The following CAV3 variants were observed in gnomAD, a reference collection of about 807,000 sequenced individuals.
CAV3 encodes the protein caveolin 3.
A neutral mutation model predicts 13.4 loss-of-function variants in CAV3; 10 were observed. The ratio of observed to expected loss-of-function variants is 0.75; its 90% confidence interval spans 0.46 to 1.27. CAV3 has a LOEUF of 1.27. CAV3 is among the 50% of genes most tolerant of loss of function. The pLI, the probability that CAV3 is intolerant of heterozygous loss-of-function variation, is 0.00. For synonymous variants in CAV3, 90 were observed against 79.0 expected (o/e 1.14, Z -0.74); for missense variants, 162 against 194.0 (o/e 0.83, Z 0.98).
chr3:8,743,970 A>AT (rs1315997392), intron 1 of CAV3, among the ~76,000 whole-genome samples: 1 of 152,044 alleles, frequency 6.6e-6, no homozygotes, highest in Non-Finnish European at 1.5e-5. Context: ...AGAGGAGAGG[A>AT]TCCCCTCCCC....
In CAV3 at chr3:8,745,804, A is replaced by G; in HGVS notation, c.393A>G (p.Pro131=). 6.2e-7 allele frequency: 1 copy of G among 1,612,616 alleles called. No homozygotes were observed. Among genetic ancestry groups the G allele is most frequent in the Non-Finnish European group, 8.5e-7 (1 of 1,179,774 alleles). The change falls in exon 2 of 2, where the codon CCA becomes CCG. Residue 131 remains proline (P), a synonymous_variant. Transcript: ENST00000343849. This position sits in a 1 kb window ranked among gnomAD's most constrained non-coding sequence, Gnocchi z 4.8. Reference sequence around the variant, plus strand: ...TCTGCATCCGCACCTTCTGCAACCCACTCTTCGCGGCCCTGGGCCAGGTCT... The same window carrying G: ...TCTGCATCCGCACCTTCTGCAACCCGCTCTTCGCGGCCCTGGGCCAGGTCT... ...YSLCIRTFCN[P]LFAALGQVCS... is the part of the protein sequence containing the mutation.
At chr3:8,736,902 C>A (rs947594364) in intron 1 of CAV3, among the ~76,000 whole-genome samples, 3 of 152,114 alleles carry the variant, frequency 2.0e-5, no homozygotes, top group South Asian at 4.1e-4. Flanking sequence ...AAAGTTAATG[C>A]AGAACAAGGA....
At position 8,745,021 on chromosome 3, in the gene CAV3, CCTCA is replaced by C. The variant is rs1708105419; in HGVS notation, c.115-504_115-501del. 6.1e-6 allele frequency: 1 copy of C among 164,992 alleles called. No individual in the cohort carries two copies. Among genetic ancestry groups the C allele is most frequent in the African/African-American group, 2.4e-5 (1 of 41,654 alleles). 10.2% of individuals were successfully genotyped at this position (164,992 alleles called of 1,614,324 possible). ...GGTCTGGATCTGTGTCCCCTCTAAA[CCTCA>C]TGGTGAAACATAATCTCCAATATTG... On this transcript the variant is annotated intron_variant, in intron 1 of 1. Coordinates refer to ENST00000343849, the MANE Select transcript of CAV3 (RefSeq NM_033337.3). This position sits in a 1 kb window ranked among gnomAD's most constrained non-coding sequence, Gnocchi z 4.8.
At chr3:8,742,881 G>A (rs1238798213) in intron 1 of CAV3, among the ~76,000 whole-genome samples, 2 of 152,192 alleles carry the variant, frequency 1.3e-5, no homozygotes, top group East Asian at 3.8e-4. Flanking sequence ...ACCTGAGACT[G>A]GGTAATTTAT....
At chr3:8,736,843 A>G (rs1707775807) in intron 1 of CAV3, among the ~76,000 whole-genome samples, 2 of 152,194 alleles carry the variant, frequency 1.3e-5, no homozygotes, top group South Asian at 4.1e-4. Context: ...TGCTTTAGGG[A>G]TTTGTTTGAC....
intron 1 of CAV3, among the ~76,000 whole-genome samples, chr3:8,736,086 T>C (rs1053315879): frequency 6.6e-6 from 1 of 152,160 alleles, no homozygotes; most frequent in Non-Finnish European, 1.5e-5. Flanking sequence ...GTAAATAAAA[T>C]TGTACCTGTA....
intron 1 of CAV3, 41 bp downstream of exon 1, chr3:8,734,031 G>A: frequency 8.3e-7 from 1 of 1,199,574 alleles, no homozygotes; most frequent in East Asian, 2.3e-5. Context: ...GAGAGTGTCA[G>A]GTTTGCGAGA....
chr3:8,737,422 G>C (rs1194558549), intron 1 of CAV3, among the ~76,000 whole-genome samples: 1 of 152,094 alleles, frequency 6.6e-6, no homozygotes, highest in Non-Finnish European at 1.5e-5. Flanking sequence ...ATGAAGAGTA[G>C]GAGATAGGCA....
intron 1 of CAV3, among the ~76,000 whole-genome samples, chr3:8,738,000 C>T (rs1168369936): frequency 2.0e-5 from 3 of 151,962 alleles, no homozygotes; most frequent in Admixed American, 6.6e-5. Context: ...TCTCTTCTCT[C>T]TCTCTCCTCT....
At chr3:8,735,514 G>A (rs777910902) in intron 1 of CAV3, among the ~76,000 whole-genome samples, 12 of 152,044 alleles carry the variant, frequency 7.9e-5, no homozygotes, top group East Asian at 1.9e-4. Context: ...TAATGAAATC[G>A]GGGTTTACAT....
chr3:8,746,467 T>C lies in CAV3; in HGVS notation c.*600T>C, dbSNP rs940590968. On this transcript the variant is annotated 3_prime_UTR_variant, in exon 2 of 2. Transcript: ENST00000343849. Reference sequence around the variant, plus strand: ...TATTGTTTGCTGGAACCGTACACGTTCCTTGGAAGATCATGTTTAAGTGAC... The same window carrying C: ...TATTGTTTGCTGGAACCGTACACGTCCCTTGGAAGATCATGTTTAAGTGAC... The C allele has an allele frequency of 6.6e-6, 1 of 152,550 alleles. No individual in the cohort carries two copies. Among genetic ancestry groups the C allele is most frequent in the Non-Finnish European group, 1.5e-5 (1 of 68,344 alleles). The allele number at this position is 152,550 out of a possible 1,614,324, so 9.4% of individuals were successfully genotyped here. A position where few individuals can be genotyped will look rare whatever the true frequency, so the allele number is the denominator to read the frequency against.
At chr3:8,735,457 G>A (rs1412918130) in intron 1 of CAV3, among the ~76,000 whole-genome samples, 1 of 152,120 alleles carries the variant, frequency 6.6e-6, no homozygotes. Context: ...TGTGAAAATC[G>A]ATTCGCATGC....
intron 1 of CAV3, among the ~76,000 whole-genome samples, chr3:8,734,942 C>T (rs1031104288): frequency 6.6e-6 from 1 of 152,186 alleles, no homozygotes; most frequent in Non-Finnish European, 1.5e-5. Context: ...TGGTATCAAA[C>T]TCTTGGGCTC....
chr3:8,735,641 A>C (rs1470101086), intron 1 of CAV3, among the ~76,000 whole-genome samples: 1 of 152,106 alleles, frequency 6.6e-6, no homozygotes, highest in Non-Finnish European at 1.5e-5. Context: ...TCAGTGGGGC[A>C]CCTCCCATGC....
At position 8,742,360 on chromosome 3, in the gene CAV3, C is replaced by CAAAA. The variant is rs36055094; in HGVS notation, c.115-3155_115-3152dup. ...TAGCACCAATGGCTTCTGCAAACAC[C>CAAAA]AAAAAAAAAAAAAAGAAGAAGAAGA... On this transcript the variant is annotated intron_variant, in intron 1 of 1. Transcript: ENST00000343849. 2,324 of 241,626 alleles carry CAAAA rather than the reference C, an allele frequency of 9.6e-3. 9 individuals carry two copies. The highest frequency in any genetic ancestry group is 0.011 in the South Asian group (299 of 26,738). The allele number at this position is 241,626 out of a possible 1,614,324, so 15.0% of individuals were successfully genotyped here. A position where few individuals can be genotyped will look rare whatever the true frequency, so the allele number is the denominator to read the frequency against.
Position 8,743,355 on chromosome 3 carries a change from A to C in CAV3, c.115-2171A>C, listed in dbSNP as rs139151151. Among the ~76,000 whole-genome samples, 186 of 152,118 alleles carry C rather than the reference A, an allele frequency of 1.2e-3. 3 individuals are homozygous for C. The highest frequency in any genetic ancestry group is 4.4e-3 in the African/African-American group (181 of 41,486). The stretch of plus-strand genomic sequence containing the variant: ...TCCATAAACATGGGGAGTGAATATG[A>C]CTTTTCCATCCCTGTTCCAATCCCG... On this transcript the variant is annotated intron_variant, in intron 1 of 1. Coordinates refer to ENST00000343849, the MANE Select transcript of CAV3 (RefSeq NM_033337.3).
At chr3:8,734,133 A>T (rs1282543920) in intron 1 of CAV3, 143 bp downstream of exon 1, 2 of 638,530 alleles carry the variant, frequency 3.1e-6, no homozygotes, top group Admixed American at 2.4e-5. Flanking sequence ...CACCCCCCCA[A>T]CCCCACCCCA....
At chr3:8,738,250 A>T (rs1328134348) in intron 1 of CAV3, among the ~76,000 whole-genome samples, 1 of 152,100 alleles carries the variant, frequency 6.6e-6, no homozygotes, top group Non-Finnish European at 1.5e-5. Context: ...CCTCTCCATG[A>T]TACTACTCCC....
At chr3:8,737,781 G>A (rs1707809798) in intron 1 of CAV3, among the ~76,000 whole-genome samples, 1 of 152,142 alleles carries the variant, frequency 6.6e-6, no homozygotes, top group African/African-American at 2.4e-5. Context: ...CAGGCTGCAG[G>A]GGTGGGAATG....
Sources: gnomAD v4.1 joint callset for allele counts (sites outside exome capture counted in the v4.1 genomes callset) on GRCh38, gnomAD v4.1.1 for gene constraint, Gnocchi (gnomAD v3.1) non-coding constraint, MANE v1.5 for transcripts, NCBI Gene and HGNC (gene_info 2026-07-23, HGNC 2026-07-21) for gene names.